Variants in LINC00305 observed in about 807,000 individuals in gnomAD.
LINC00305 encodes long intergenic non-protein coding RNA 305.
At position 64,089,500 on chromosome 18, in the gene LINC00305, C is replaced by T. The variant is rs1016826956; in HGVS notation, n.540+8334G>A. Among the ~76,000 whole-genome samples, 3 of 152,198 alleles carry T rather than the reference C, an allele frequency of 2.0e-5. No homozygotes were observed. In the South Asian group the frequency reaches 6.2e-4, roughly 31 times the overall value. ...TGCTGGTTTTTTCTTTCTTCCACTG[C>T]TCTCTAGGCTCTCTGTTGGCTAAAC... On this transcript the variant is annotated intron_variant and non_coding_transcript_variant, in intron 3 of 3. Transcript: ENST00000666468.
intron 3 of LINC00305, among the ~76,000 whole-genome samples, chr18:64,095,957 T>C (rs2051243255): frequency 6.6e-6 from 1 of 152,082 alleles, no homozygotes; most frequent in Non-Finnish European, 1.5e-5. Context: ...ATTTTCCCCA[T>C]GAACATTTGG....
chr18:64,125,594 C>A (rs138832055), intron 1 of LINC00305, among the ~76,000 whole-genome samples: 9 of 151,622 alleles, frequency 5.9e-5, no homozygotes, highest in Non-Finnish European at 1.3e-4. Context: ...TATATACATA[C>A]ATGTGTATCT....
chr18:64,127,269 C>T (rs1051285346), intron 1 of LINC00305: 13 of 152,084 alleles, frequency 8.5e-5, no homozygotes, highest in Admixed American at 2.6e-4. Context: ...TACCTGCTTT[C>T]TCAGGTTCTG....
intron 1 of LINC00305, chr18:64,098,696 A>G (rs1438631462): frequency 7.5e-6 from 3 of 401,076 alleles, no homozygotes; most frequent in South Asian, 1.8e-5. Flanking sequence ...GCAAAACACA[A>G]TGAAAGTGAG....
chr18:64,106,577 C>T (rs2051291828), intron 1 of LINC00305, among the ~76,000 whole-genome samples: 1 of 152,120 alleles, frequency 6.6e-6, no homozygotes, highest in Non-Finnish European at 1.5e-5. Context: ...TTGCAAAATG[C>T]CTCTGCTGCC....
At chr18:64,126,322 A>T (rs1405833008) in intron 1 of LINC00305, among the ~76,000 whole-genome samples, 1 of 152,096 alleles carries the variant, frequency 6.6e-6, no homozygotes, top group African/African-American at 2.4e-5. Flanking sequence ...TCTATATTTT[A>T]AAAATTTTCT....
intron 3 of LINC00305, among the ~76,000 whole-genome samples, chr18:64,092,510 C>T (rs28407944): frequency 0.025 from 3,731 of 151,904 alleles, 151 homozygotes; most frequent in African/African-American, 0.085. Flanking sequence ...TGCACTGAGC[C>T]GAGATCACAC....
chr18:64,086,239 A>T (rs892034412), intron 3 of LINC00305, among the ~76,000 whole-genome samples: 4 of 152,224 alleles, frequency 2.6e-5, no homozygotes, highest in Non-Finnish European at 5.9e-5. Flanking sequence ...CATAAGCTTG[A>T]TTGTAATCCA....
chr18:64,105,318 G>A (rs1388580219), intron 1 of LINC00305, among the ~76,000 whole-genome samples: 4 of 151,848 alleles, frequency 2.6e-5, no homozygotes, highest in South Asian at 2.1e-4. Context: ...AAAATTAGCC[G>A]GACTTGGTGA....
At chr18:64,093,896 C>T (rs1293530671) in intron 3 of LINC00305, among the ~76,000 whole-genome samples, 6 of 151,036 alleles carry the variant, frequency 4.0e-5, no homozygotes, top group African/African-American at 1.5e-4. Flanking sequence ...ATTGGTCACC[C>T]CACCTTTACT....
At chr18:64,116,194 T>A (rs1336478653) in intron 1 of LINC00305, among the ~76,000 whole-genome samples, 3 of 152,228 alleles carry the variant, frequency 2.0e-5, no homozygotes, top group African/African-American at 7.2e-5. Context: ...AATTTGCTTT[T>A]TGATAAGAAT....
At chr18:64,144,081 C>T (rs2051485400) in intron 1 of LINC00305, among the ~76,000 whole-genome samples, 1 of 152,006 alleles carries the variant, frequency 6.6e-6, no homozygotes, top group African/African-American at 2.4e-5. Context: ...CTTTTTATGC[C>T]CTGTTTGGCT....
chr18:64,132,936 G>C (rs939508063), intron 1 of LINC00305, among the ~76,000 whole-genome samples: 2 of 152,208 alleles, frequency 1.3e-5, no homozygotes, highest in Non-Finnish European at 2.9e-5. Flanking sequence ...GGGCCTGGCT[G>C]TGTGGCCAGC....
chr18:64,147,931 G>C (rs111838425), intron 1 of LINC00305, among the ~76,000 whole-genome samples: 7 of 152,154 alleles, frequency 4.6e-5, no homozygotes, highest in African/African-American at 1.4e-4. Flanking sequence ...CCTACACTTG[G>C]TGACCAGTGA....
intron 1 of LINC00305, among the ~76,000 whole-genome samples, chr18:64,141,373 A>G (rs1239345242): frequency 1.3e-5 from 2 of 152,252 alleles, no homozygotes; most frequent in African/African-American, 2.4e-5. Context: ...GTGTATGTAC[A>G]TAAGACATAC....
At chr18:64,112,876 A>G (rs968803995) in intron 1 of LINC00305, among the ~76,000 whole-genome samples, 10 of 152,164 alleles carry the variant, frequency 6.6e-5, no homozygotes, top group Non-Finnish European at 1.2e-4. Flanking sequence ...TGTTAAGAAA[A>G]CAGTAGTTCT....
chr18:64,145,008 C>T (rs58347249), intron 1 of LINC00305, among the ~76,000 whole-genome samples: 21,321 of 152,056 alleles, frequency 0.14, 1,674 homozygotes, highest in African/African-American at 0.2. Flanking sequence ...CATCTTGCCA[C>T]GGCTCTTCTA....
At chr18:64,138,080 T>C (rs896952653) in intron 1 of LINC00305, among the ~76,000 whole-genome samples, 2 of 152,176 alleles carry the variant, frequency 1.3e-5, no homozygotes, top group South Asian at 2.1e-4. Flanking sequence ...GGGAAGCAGT[T>C]TGCAGATCAG....
At chr18:64,126,887 A>C (rs960281157) in intron 1 of LINC00305, among the ~76,000 whole-genome samples, 2 of 152,134 alleles carry the variant, frequency 1.3e-5, no homozygotes, top group Non-Finnish European at 2.9e-5. Flanking sequence ...AATTACTTAA[A>C]CCTCATTGTC....
Sources: gnomAD v4.1 joint callset for allele counts (sites outside exome capture counted in the v4.1 genomes callset) on GRCh38, gnomAD v4.1.1 for gene constraint, MANE v1.5 for transcripts, NCBI Gene and HGNC (gene_info 2026-07-23, HGNC 2026-07-21) for gene names.